CTNNA3: variants seen among roughly 807,000 people sequenced by gnomAD.
CTNNA3 encodes the protein catenin alpha 3, also known as catenin alpha-3.
In CTNNA3, 76 loss-of-function variants were observed where a neutral mutation model predicts 95.7. That is an observed-to-expected ratio of 0.79 (90% CI 0.66 to 0.96). The LOEUF is 0.96. CTNNA3 is among the 40% of genes least tolerant of loss of function. The probability of loss-of-function intolerance (pLI) is 0.00; values close to 1 mark genes in which losing one functional copy is unlikely to be tolerated. For synonymous variants in CTNNA3, 431 were observed against 374.4 expected, an observed-to-expected ratio of 1.15 and a Z score of -1.74; for missense variants, 1,191 against 1,089.8, an observed-to-expected ratio of 1.09 and a Z score of -1.31.
At chr10:66,478,377 A>C (rs1839399466) in intron 11 of CTNNA3, among the ~76,000 whole-genome samples, 1 of 152,066 alleles carries the variant, frequency 6.6e-6, no homozygotes, top group African/African-American at 2.4e-5. Context: ...AGATTTAATA[A>C]AATCTTCAAG....
chr10:67,026,672 T>C (rs1853409064), intron 7 of CTNNA3, among the ~76,000 whole-genome samples: 1 of 152,132 alleles, frequency 6.6e-6, no homozygotes. Flanking sequence ...AATTTCTTCA[T>C]AAAGCATCTC....
At position 66,670,454 on chromosome 10, in the gene CTNNA3, G is replaced by T. The variant is rs376783070; in HGVS notation, c.1282-48670C>A. Among the ~76,000 whole-genome samples, 49 of 152,236 alleles carry T rather than the reference G, an allele frequency of 3.2e-4. 2 individuals carry two copies. In the South Asian group the frequency reaches 9.5e-3, roughly 30 times the overall value. Reference sequence around the variant, plus strand: ...CCAGGGATGGTTCTTAACTTCCAGAGATCAATCACTTTCCTTGGCTCAGCG... The same window carrying T: ...CCAGGGATGGTTCTTAACTTCCAGATATCAATCACTTTCCTTGGCTCAGCG... On this transcript the variant is annotated intron_variant, in intron 9 of 17. Transcript: ENST00000433211.
At chr10:67,671,305 A>G (rs1212107016) in intron 1 of CTNNA3, among the ~76,000 whole-genome samples, 1 of 152,148 alleles carries the variant, frequency 6.6e-6, no homozygotes, top group Non-Finnish European at 1.5e-5. Flanking sequence ...ACAGAGCAGA[A>G]CTATAGAAAG....
At chr10:67,215,069 T>C (rs952747599) in intron 6 of CTNNA3, among the ~76,000 whole-genome samples, 1 of 152,074 alleles carries the variant, frequency 6.6e-6, no homozygotes, top group Non-Finnish European at 1.5e-5. Flanking sequence ...TCATGGCATG[T>C]ATCTTAACTG....
intron 6 of CTNNA3, among the ~76,000 whole-genome samples, chr10:67,211,901 C>CTA (rs1864154479): frequency 6.6e-6 from 1 of 152,008 alleles, no homozygotes; most frequent in African/African-American, 2.4e-5. Context: ...AACTCCTGAC[C>CTA]TATGTGCTCT....
intron 5 of CTNNA3, among the ~76,000 whole-genome samples, chr10:67,289,551 C>A (rs1307395238): frequency 3.3e-5 from 5 of 152,014 alleles, no homozygotes; most frequent in Admixed American, 3.3e-4. Context: ...CTCTCATATC[C>A]CAAAATTCTA....
At chr10:66,607,007 A>C (rs1490789919) in intron 10 of CTNNA3, among the ~76,000 whole-genome samples, 2 of 152,010 alleles carry the variant, frequency 1.3e-5, no homozygotes, top group African/African-American at 2.4e-5. Flanking sequence ...TTTTTGAAAA[A>C]ATTAATAAGT....
intron 16 of CTNNA3, among the ~76,000 whole-genome samples, chr10:65,987,110 C>T (rs12217706): frequency 2.0e-5 from 3 of 151,522 alleles, no homozygotes; most frequent in South Asian, 2.1e-4. Context: ...GAAGAAAACA[C>T]GGGGCTTCAG....
At chr10:66,886,685 G>A (rs1244584326) in intron 7 of CTNNA3, among the ~76,000 whole-genome samples, 9 of 152,102 alleles carry the variant, frequency 5.9e-5, no homozygotes, top group Admixed American at 5.9e-4. Context: ...TTTCCAGAAA[G>A]GCTGGAATTC....
intron 15 of CTNNA3, among the ~76,000 whole-genome samples, chr10:66,058,682 C>G (rs1202564155): frequency 1.3e-5 from 2 of 152,116 alleles, no homozygotes; most frequent in African/African-American, 2.4e-5. Context: ...TTGAGTGCAA[C>G]AGGCCATGCT....
chr10:66,012,034 A>T (rs909389608), intron 15 of CTNNA3, among the ~76,000 whole-genome samples: 7 of 152,186 alleles, frequency 4.6e-5, no homozygotes, highest in African/African-American at 1.7e-4. Context: ...TTAGATCTTA[A>T]GCTTCATGGA....
chr10:67,240,290 A>G (rs990039610), intron 5 of CTNNA3, among the ~76,000 whole-genome samples: 3 of 152,224 alleles, frequency 2.0e-5, no homozygotes, highest in Non-Finnish European at 2.9e-5. Context: ...CTCTGCCAAG[A>G]TGCTGCATAC....
At chr10:66,999,349 C>T (rs938196312) in intron 7 of CTNNA3, among the ~76,000 whole-genome samples, 6 of 152,038 alleles carry the variant, frequency 3.9e-5, no homozygotes, top group African/African-American at 9.7e-5. Context: ...TTCTGCCTAA[C>T]ATTTTCAAGA....
intron 13 of CTNNA3, among the ~76,000 whole-genome samples, chr10:66,114,913 T>A (rs2082266116): frequency 6.6e-6 from 1 of 151,504 alleles, no homozygotes; most frequent in Non-Finnish European, 1.5e-5. Context: ...TAAAAGAAAA[T>A]ATATCAACAT....
chr10:66,015,369 G>A (rs1368980474), intron 15 of CTNNA3, among the ~76,000 whole-genome samples: 1 of 152,078 alleles, frequency 6.6e-6, no homozygotes, highest in African/African-American at 2.4e-5. Flanking sequence ...TTGTCCACAT[G>A]ACCTAGGAGT....
At chr10:66,247,171 T>C (rs937876273) in intron 13 of CTNNA3, among the ~76,000 whole-genome samples, 9 of 152,014 alleles carry the variant, frequency 5.9e-5, no homozygotes, top group Non-Finnish European at 1.3e-4. Context: ...GCCTAGAAAG[T>C]AGCCTCCAAA....
intron 4 of CTNNA3, among the ~76,000 whole-genome samples, chr10:67,536,030 A>T (rs1476182296): frequency 1.3e-5 from 2 of 152,166 alleles, no homozygotes; most frequent in Non-Finnish European, 2.9e-5. Context: ...TTCTCAAACC[A>T]TGAGGATCAG....
intron 12 of CTNNA3, among the ~76,000 whole-genome samples, chr10:66,353,012 T>C (rs930049257): frequency 3.3e-5 from 5 of 152,084 alleles, no homozygotes. Context: ...TATTTTATTA[T>C]CATTATGTAA....
chr10:65,983,400 A>G (rs2078363398), intron 16 of CTNNA3, among the ~76,000 whole-genome samples: 1 of 151,514 alleles, frequency 6.6e-6, no homozygotes, highest in African/African-American at 2.4e-5. Context: ...CTTTTTGTGC[A>G]TTATCCTTAC....
Sources: allele counts gnomAD v4.1 joint callset (sites outside exome capture counted in the v4.1 genomes callset), GRCh38; gene constraint gnomAD v4.1.1; transcripts MANE v1.5; gene names NCBI Gene and HGNC (gene_info 2026-07-23, HGNC 2026-07-21).